Variants in EXOC4 observed in about 807,000 individuals in gnomAD.
EXOC4 encodes the protein SEC8-like 1.
Under a neutral mutation model 107.2 loss-of-function variants are expected in EXOC4, and 71 were observed. The observed-to-expected ratio is 0.66, with a 90% CI of 0.55 to 0.81. The LOEUF (loss-of-function observed/expected upper bound fraction) is 0.81. EXOC4 is among the 30% of genes least tolerant of loss of function. The pLI is 0.00. For synonymous variants in EXOC4, 456 were observed against 441.2 expected (o/e 1.03, Z -0.42); for missense variants, 1,108 against 1,189.6 (o/e 0.93, Z 1.01).
chr7:133,398,481 A>C (rs1452184547), intron 7 of EXOC4, among the ~76,000 whole-genome samples: 1 of 152,168 alleles, frequency 6.6e-6, no homozygotes, highest in Non-Finnish European at 1.5e-5. Flanking sequence ...GTGATTTTGC[A>C]TGTAAACCTT....
At chr7:133,652,859 A>T (rs1480902205) in intron 10 of EXOC4, among the ~76,000 whole-genome samples, 1 of 152,212 alleles carries the variant, frequency 6.6e-6, no homozygotes, top group Non-Finnish European at 1.5e-5. Flanking sequence ...CAATATCCTA[A>T]AAGTTTACAG....
intron 5 of EXOC4, among the ~76,000 whole-genome samples, chr7:133,334,303 C>T (rs1013664602): frequency 2.0e-5 from 3 of 152,176 alleles, no homozygotes; most frequent in Non-Finnish European, 4.4e-5. Context: ...TTCATTTCTG[C>T]TTTATCCTTC....
chr7:133,928,460 A>G (rs1800100536), intron 13 of EXOC4, among the ~76,000 whole-genome samples: 1 of 152,078 alleles, frequency 6.6e-6, no homozygotes, highest in African/African-American at 2.4e-5. Flanking sequence ...GTGAAGGACC[A>G]TTTGCCTCCT....
intron 10 of EXOC4, among the ~76,000 whole-genome samples, chr7:133,739,219 GGTTTGTGTGTGTGTGTGT>G (rs1256625330): frequency 3.9e-5 from 4 of 101,440 alleles, no homozygotes; most frequent in African/African-American, 7.6e-5. Context: ...CATGTAGAGG[GGTTTGTGTGTGTGTGTGT>G]GTGTGTGTGT....
intron 10 of EXOC4, among the ~76,000 whole-genome samples, chr7:133,693,366 C>T (rs1414180241): frequency 1.3e-5 from 2 of 152,176 alleles, no homozygotes; most frequent in Admixed American, 1.3e-4. Context: ...TTCCACCTTC[C>T]TCTGCCTGCT....
rs1263764186 is a variant in EXOC4, at chr7:133,985,980, G to A, written c.2207-11512G>A. Among the ~76,000 whole-genome samples the A allele has an allele frequency of 2.0e-5, 3 of 152,186 alleles. No homozygotes were observed. The East Asian group carries it at 5.8e-4, about 29-fold the overall frequency. ...AAAAGTGGGCAAAAGAGAGAGAGCAGTGAAAAGGCAGGGAATGATTGCTCC... is the reference window on the plus strand; with the variant it reads ...AAAAGTGGGCAAAAGAGAGAGAGCAATGAAAAGGCAGGGAATGATTGCTCC... On this transcript the variant is annotated intron_variant, in intron 14 of 17. Transcript: ENST00000253861.
rs542829575 is a variant in EXOC4, at chr7:133,400,842, T to C, written c.1182+25840T>C. Among the ~76,000 whole-genome samples the C allele has an allele frequency of 5.3e-5, 8 of 152,170 alleles. No individual in the cohort carries two copies. In the South Asian group the frequency reaches 1.5e-3, roughly 28 times the overall value. On this transcript the variant is annotated intron_variant, in intron 7 of 17. Transcript: ENST00000253861. ...TGTAGAGATAGGTGGAACATATAGA[T>C]TGGTAGATTAGTGGATATTTTGGAA...
At chr7:133,499,765 T>C (rs2150885701) in intron 9 of EXOC4, among the ~76,000 whole-genome samples, 1 of 152,246 alleles carries the variant, frequency 6.6e-6, no homozygotes, top group African/African-American at 2.4e-5. Flanking sequence ...CCTGAGATTT[T>C]TCTCTTGCTC....
At chr7:133,858,582 C>G (rs1346209929) in intron 11 of EXOC4, among the ~76,000 whole-genome samples, 4 of 152,124 alleles carry the variant, frequency 2.6e-5, no homozygotes, top group African/African-American at 7.2e-5. Flanking sequence ...CTCTTCTTGC[C>G]TAGGAATTTG....
intron 9 of EXOC4, among the ~76,000 whole-genome samples, chr7:133,588,214 C>A (rs1801451799): frequency 6.6e-6 from 1 of 152,184 alleles, no homozygotes; most frequent in Non-Finnish European, 1.5e-5. Context: ...GGAACTGGGC[C>A]ATGTGGCAGC....
At chr7:133,936,481 G>T (rs183507895) in intron 13 of EXOC4, among the ~76,000 whole-genome samples, 1 of 152,228 alleles carries the variant, frequency 6.6e-6, no homozygotes, top group Admixed American at 6.5e-5. Flanking sequence ...GTTAAATTAA[G>T]CCCTTGCTTC....
chr7:134,019,328 T>A (rs1794977665), intron 17 of EXOC4, among the ~76,000 whole-genome samples: 1 of 151,918 alleles, frequency 6.6e-6, no homozygotes, highest in Admixed American at 6.6e-5. Flanking sequence ...TTTAAACTAC[T>A]TTCTCTAAAA....
At chr7:133,717,225 A>G (rs1336889768) in intron 10 of EXOC4, among the ~76,000 whole-genome samples, 2 of 152,232 alleles carry the variant, frequency 1.3e-5, no homozygotes, top group Non-Finnish European at 2.9e-5. Flanking sequence ...TTTGTGTGTA[A>G]TTCAAGGTTA....
At chr7:133,692,657 A>T (rs1192761043) in intron 10 of EXOC4, among the ~76,000 whole-genome samples, 1 of 152,214 alleles carries the variant, frequency 6.6e-6, no homozygotes, top group Admixed American at 6.5e-5. Context: ...AAAAGAAAAT[A>T]TTTTAAAAGT....
chr7:133,980,855 C>T (rs1793963776), intron 14 of EXOC4, among the ~76,000 whole-genome samples: 1 of 152,148 alleles, frequency 6.6e-6, no homozygotes, highest in African/African-American at 2.4e-5. Context: ...GAATAGTATT[C>T]ATGTGTTACT....
chr7:133,977,186 GTT>G (rs551975365), intron 14 of EXOC4, among the ~76,000 whole-genome samples: 6 of 152,194 alleles, frequency 3.9e-5, no homozygotes, highest in Non-Finnish European at 8.8e-5. Context: ...TAAGAAGTCT[GTT>G]TTGGTGGGGT....
chr7:133,503,626 T>C (rs1338747622), intron 9 of EXOC4, among the ~76,000 whole-genome samples: 1 of 152,218 alleles, frequency 6.6e-6, no homozygotes, highest in Non-Finnish European at 1.5e-5. Flanking sequence ...CAGTTATCAG[T>C]GCTGATCTTC....
chr7:133,674,051 T>C (rs1794003443), intron 10 of EXOC4, among the ~76,000 whole-genome samples: 1 of 152,194 alleles, frequency 6.6e-6, no homozygotes, highest in Non-Finnish European at 1.5e-5. Context: ...AAGGAATTTG[T>C]GTCACTCTCA....
chr7:133,737,662 T>A (rs1795471915), intron 10 of EXOC4, among the ~76,000 whole-genome samples: 1 of 152,104 alleles, frequency 6.6e-6, no homozygotes, highest in Non-Finnish European at 1.5e-5. Context: ...TCCTGCGACC[T>A]TTGTGTAGCA....
Sources: gnomAD v4.1 joint callset for allele counts (sites outside exome capture counted in the v4.1 genomes callset) on GRCh38, gnomAD v4.1.1 for gene constraint, MANE v1.5 for transcripts, NCBI Gene and HGNC (gene_info 2026-07-23, HGNC 2026-07-21) for gene names.